ZNF568: variants seen among roughly 807,000 people sequenced by gnomAD.
ZNF568 encodes the protein p53 inhibitor of SCO2 activation.
ZNF568 carries 11 observed loss-of-function variants against 18.1 expected under a neutral mutation model. The ratio of observed to expected loss-of-function variants is 0.61; its 90% CI spans 0.38 to 1.00. The LOEUF (loss-of-function observed/expected upper bound fraction) is 1.00, where lower values mean the gene tolerates loss of function less well. Among genes scored for constraint, ZNF568 ranks in the 50% least tolerant of loss-of-function variants. The pLI, the probability that ZNF568 is intolerant of heterozygous loss-of-function variation, is 0.01. For synonymous variants in ZNF568, 213 were observed against 246.6 expected (o/e 0.86, Z 1.28); for missense variants, 639 against 768.2 (o/e 0.83, Z 1.99).
chr19:36,956,288 G>A (rs960523058), downstream of ZNF568, among the ~76,000 whole-genome samples: 5 of 152,164 alleles, frequency 3.3e-5, no homozygotes, highest in African/African-American at 4.8e-5. Context: ...GCTGTTGGAC[G>A]AAAGGAGCTG....
intron 2 of ZNF568, among the ~76,000 whole-genome samples, chr19:36,985,012 A>G (rs2074363936): frequency 6.6e-6 from 1 of 152,056 alleles, no homozygotes; most frequent in Non-Finnish European, 1.5e-5. Flanking sequence ...CAATACTGCC[A>G]TTTTCTTAAT....
chr19:36,918,941 C>A (rs2146262300), intron 2 of ZNF568, among the ~76,000 whole-genome samples: 1 of 152,256 alleles, frequency 6.6e-6, no homozygotes, highest in East Asian at 1.9e-4. Context: ...AAGATTCATC[C>A]ATGTTAGCAT....
chr19:36,957,486 C>A (rs1299042531), downstream of ZNF568, among the ~76,000 whole-genome samples: 1 of 152,152 alleles, frequency 6.6e-6, no homozygotes, highest in Non-Finnish European at 1.5e-5. Flanking sequence ...CCTCAGCCTC[C>A]CAGAGTGCTG....
downstream of ZNF568, chr19:36,997,738 A>C (rs1284803946): frequency 1.4e-6 from 1 of 705,240 alleles, no homozygotes; most frequent in African/African-American, 1.8e-5. Context: ...GGGATGGCTC[A>C]GAATTTGATT....
intron 6 of ZNF568, among the ~76,000 whole-genome samples, chr19:36,941,751 GTTA>G (rs1329149273): frequency 6.6e-6 from 1 of 152,082 alleles, no homozygotes; most frequent in East Asian, 1.9e-4. Context: ...TAATGTAGCT[GTTA>G]TTATTTCTCA....
intron 2 of ZNF568, among the ~76,000 whole-genome samples, chr19:36,918,678 A>G (rs2073396165): frequency 6.6e-6 from 1 of 152,204 alleles, no homozygotes; most frequent in Non-Finnish European, 1.5e-5. Flanking sequence ...ATAAGTGTAC[A>G]GTTCAGTGGC....
At chr19:36,965,099 G>C (rs1231010456) in intron 6 of ZNF568, among the ~76,000 whole-genome samples, 1 of 152,086 alleles carries the variant, frequency 6.6e-6, no homozygotes, top group African/African-American at 2.4e-5. Flanking sequence ...GGGAATCTTT[G>C]ATTATTGCTA....
chr19:36,964,843 G>A (rs1258834996), intron 6 of ZNF568, among the ~76,000 whole-genome samples: 1 of 151,960 alleles, frequency 6.6e-6, no homozygotes, highest in Non-Finnish European at 1.5e-5. Flanking sequence ...TGAAGTGAAA[G>A]TCGATACAAG....
Position 36,950,055 on chromosome 19 carries a change from C to A in ZNF568, c.902C>A (p.Thr301Asn), listed in dbSNP as rs771657001. 4.3e-6 allele frequency: 7 copies of A among 1,613,536 alleles called. No individual in the cohort carries two copies. The Admixed American group carries it at 5.0e-5, about 12-fold the overall frequency. ...SNLIRHHRIHTGEKPYACKDC... is the reference protein window; with the variant it reads ...SNLIRHHRIHNGEKPYACKDC... ...CTTATTAGACACCACAGAATTCATACTGGGGAGAAACCTTATGCATGTAAG... is the reference window on the plus strand; with the variant it reads ...CTTATTAGACACCACAGAATTCATAATGGGGAGAAACCTTATGCATGTAAG... The change falls in exon 7 of 7, where the codon ACT becomes AAT. Residue 301 changes from threonine (T) to asparagine (N), a missense_variant. Physicochemically the swap from Thr to Asn is moderately conservative, Grantham distance 65. Coordinates refer to ENST00000333987, the MANE Select transcript of ZNF568 (RefSeq NM_198539.4).
downstream of ZNF568, among the ~76,000 whole-genome samples, chr19:36,982,567 G>A (rs527364868): frequency 6.6e-5 from 10 of 152,058 alleles, no homozygotes; most frequent in African/African-American, 2.2e-4. Context: ...TTAGCCGAGC[G>A]AGGTGGCAGG....
At chr19:36,938,881 C>CT (rs1249950913) in intron 6 of ZNF568, among the ~76,000 whole-genome samples, 1 of 152,126 alleles carries the variant, frequency 6.6e-6, no homozygotes, top group African/African-American at 2.4e-5. Flanking sequence ...TCAGTTTTTC[C>CT]TTTCAGCTTG....
downstream of ZNF568, chr19:36,997,458 A>AC: frequency 6.3e-7 from 1 of 1,588,108 alleles, no homozygotes; most frequent in Non-Finnish European, 8.5e-7. Flanking sequence ...CTGGGGAGAG[A>AC]CCCCATAAGT....
At chr19:36,946,813 C>A (rs2073974578) in intron 6 of ZNF568, among the ~76,000 whole-genome samples, 2 of 151,470 alleles carry the variant, frequency 1.3e-5, no homozygotes, top group South Asian at 4.2e-4. Flanking sequence ...CCACCACACC[C>A]AACTAATTTT....
At chr19:36,926,994 T>TTC (rs2073567102) in intron 4 of ZNF568, among the ~76,000 whole-genome samples, 1 of 152,210 alleles carries the variant, frequency 6.6e-6, no homozygotes, top group South Asian at 2.1e-4. Context: ...CCATTCATAT[T>TTC]GTTTGTCTAT....
intron 2 of ZNF568, chr19:36,991,013 A>C (rs914343719): frequency 4.7e-5 from 32 of 677,090 alleles, no homozygotes; most frequent in Non-Finnish European, 4.5e-5. Flanking sequence ...CTTCACTCTG[A>C]TCACCCCTGT....
chr19:36,951,271 C>CCTG lies in ZNF568; in HGVS notation c.*183_*184insCTG. The CCTG allele has an allele frequency of 2.1e-6, 1 of 483,674 alleles. No homozygotes were observed. Among genetic ancestry groups the CCTG allele is most frequent in the Non-Finnish European group, 3.3e-6 (1 of 302,132 alleles). The allele number at this position is 483,674 out of a possible 1,614,324, so 30.0% of individuals were successfully genotyped here. A position where few individuals can be genotyped will look rare whatever the true frequency, so the allele number is the denominator to read the frequency against. ...ACCCAGTATTATAAAAACCTCAATTCTGAAAATCTATAGACTGAATGCAGT... is the reference window on the plus strand; with the variant it reads ...ACCCAGTATTATAAAAACCTCAATTCCTGTGAAAATCTATAGACTGAATGCAGT... On this transcript the variant is annotated 3_prime_UTR_variant, in exon 7 of 7. Coordinates refer to ENST00000333987, the MANE Select transcript of ZNF568 (RefSeq NM_198539.4).
intron 7 of ZNF568, among the ~76,000 whole-genome samples, chr19:36,977,243 T>C (rs560520521): frequency 6.6e-5 from 10 of 152,338 alleles, no homozygotes; most frequent in Admixed American, 3.3e-4. Context: ...TTCTGTCTTT[T>C]ATCCAAACAA....
At chr19:36,988,317 T>C (rs1230161056) in intron 2 of ZNF568, among the ~76,000 whole-genome samples, 1 of 152,154 alleles carries the variant, frequency 6.6e-6, no homozygotes, top group African/African-American at 2.4e-5. Flanking sequence ...TCGCATGCTA[T>C]AAAGAAATAC....
chr19:36,940,388 C>T (rs555161090), intron 6 of ZNF568, among the ~76,000 whole-genome samples: 45 of 152,298 alleles, frequency 3.0e-4, no homozygotes, highest in African/African-American at 9.6e-4. Context: ...TTCTATTACA[C>T]GTCTACCAGA....
Sources: allele counts gnomAD v4.1 joint callset (sites outside exome capture counted in the v4.1 genomes callset), GRCh38; gene constraint gnomAD v4.1.1; transcripts MANE v1.5; gene names NCBI Gene and HGNC (gene_info 2026-07-23, HGNC 2026-07-21).